FGF14: variants seen among roughly 807,000 people sequenced by gnomAD.
The protein encoded by FGF14 is fibroblast growth factor homologous factor 4.
Under a neutral mutation model 25.5 loss-of-function variants are expected in FGF14, and 5 were observed. The observed-to-expected ratio is 0.20, with a 90% CI of 0.10 to 0.41. The LOEUF is 0.41. Among genes scored for constraint, FGF14 ranks in the 10% least tolerant of loss-of-function variants. The pLI, the probability that FGF14 is intolerant of heterozygous loss-of-function variation, is 1.00. For synonymous variants in FGF14, 138 were observed against 118.3 expected (o/e 1.17, Z -1.08); for missense variants, 222 against 320.1 (o/e 0.69, Z 2.34).
chr13:102,114,863 A>G (rs1168055969), intron 1 of FGF14, among the ~76,000 whole-genome samples: 2 of 152,182 alleles, frequency 1.3e-5, no homozygotes, highest in Non-Finnish European at 2.9e-5. Flanking sequence ...CAAGAGGCAT[A>G]AAGTTTCAGT....
chr13:101,783,009 T>C (rs756848999), intron 3 of FGF14, among the ~76,000 whole-genome samples: 3 of 152,180 alleles, frequency 2.0e-5, no homozygotes, highest in Non-Finnish European at 4.4e-5. Context: ...GTATAAGCAT[T>C]CCTTTTTCTC....
intron 1 of FGF14, among the ~76,000 whole-genome samples, chr13:102,158,086 G>C (rs901217170): frequency 1.3e-5 from 2 of 152,182 alleles, no homozygotes; most frequent in Non-Finnish European, 2.9e-5. Flanking sequence ...CTGTAAACTA[G>C]TTCAACCATT....
chr13:101,920,108 C>T (rs955914374), upstream of FGF14, among the ~76,000 whole-genome samples: 10 of 152,150 alleles, frequency 6.6e-5, no homozygotes, highest in African/African-American at 2.4e-4. Flanking sequence ...TGAAAGAAAA[C>T]GCAAGAGAGC....
chr13:101,791,815 A>G (rs971680060), intron 3 of FGF14, among the ~76,000 whole-genome samples: 1 of 152,198 alleles, frequency 6.6e-6, no homozygotes, highest in Non-Finnish European at 1.5e-5. Context: ...CATTAAGGAA[A>G]TGAGATGACT....
intron 1 of FGF14, among the ~76,000 whole-genome samples, chr13:102,255,160 G>T (rs1409685959): frequency 6.6e-6 from 1 of 152,184 alleles, no homozygotes; most frequent in Non-Finnish European, 1.5e-5. Context: ...GAGTTCCAGA[G>T]ATAGTAAATT....
intron 1 of FGF14, among the ~76,000 whole-genome samples, chr13:102,137,083 T>C (rs2046444281): frequency 6.6e-6 from 1 of 152,222 alleles, no homozygotes; most frequent in South Asian, 2.1e-4. Flanking sequence ...TGGCTACTAA[T>C]GTGGTGTGGT....
At chr13:102,014,549 A>G (rs1346927873) in intron 1 of FGF14, among the ~76,000 whole-genome samples, 1 of 152,192 alleles carries the variant, frequency 6.6e-6, no homozygotes, top group East Asian at 1.9e-4. Flanking sequence ...AGAGGAACCA[A>G]TTATCGAAAA....
At chr13:101,860,165 GGTTGAAAATTTAAT>G (rs1312885458) in intron 3 of FGF14, among the ~76,000 whole-genome samples, 1 of 151,910 alleles carries the variant, frequency 6.6e-6, no homozygotes, top group East Asian at 1.9e-4. Flanking sequence ...AGCCATTATT[GGTTGAAAATTTAAT>G]GTCTTGCTTT....
In FGF14 at chr13:101,775,076, G is replaced by T. The variant is rs552107572; in HGVS notation, c.409-48266C>A. 7.9e-5 allele frequency among the ~76,000 whole-genome samples: 12 copies of T among 151,890 alleles called. No homozygotes were observed. The South Asian group carries it at 2.1e-3, about 26-fold the overall frequency. On this transcript the variant is annotated intron_variant, in intron 3 of 4. Transcript: ENST00000376143. ...AAGAAACAATTTATATGGACTATGT[G>T]TTCCAACTTCCTAAAAATCACCATA...
rs576399396 is a variant in FGF14 at position 102,331,694 on chromosome 13, A to T, written c.208+69777T>A. ...ACACAGTATAATGAACACAAGCTAC[A>T]TGAAACGCACAATGAAGGATTTTAG... On this transcript the variant is annotated intron_variant, in intron 1 of 4. Transcript: ENST00000376131. Among the ~76,000 whole-genome samples, 10 of 152,350 alleles carry T rather than the reference A, an allele frequency of 6.6e-5. No homozygotes were observed. The South Asian group carries it at 2.1e-3, about 32-fold the overall frequency.
intron 1 of FGF14, among the ~76,000 whole-genome samples, chr13:101,966,189 A>C (rs895376511): frequency 6.6e-6 from 1 of 152,232 alleles, no homozygotes; most frequent in Non-Finnish European, 1.5e-5. Context: ...GGTTGAAATG[A>C]GGTCATCAGG....
chr13:102,386,874 A>G (rs2058316859), intron 1 of FGF14, among the ~76,000 whole-genome samples: 1 of 152,214 alleles, frequency 6.6e-6, no homozygotes, highest in Non-Finnish European at 1.5e-5. Flanking sequence ...GCAGCTGTCT[A>G]TTGCATTCGC....
intron 3 of FGF14, among the ~76,000 whole-genome samples, chr13:101,812,730 T>C (rs1208175431): frequency 7.4e-6 from 1 of 134,788 alleles, no homozygotes; most frequent in African/African-American, 2.8e-5. Context: ...TGGCGCTATC[T>C]CAGCCCACTG....
At chr13:102,161,614 AAGAAGAAGAAGAAGAAGAAG>A (rs2047691194) in intron 1 of FGF14, among the ~76,000 whole-genome samples, 1 of 5,342 alleles carries the variant, frequency 1.9e-4, no homozygotes, top group Non-Finnish European at 3.5e-4. Flanking sequence ...GAAGAAGAAG[AAGAAGAAGAAGAAGAAGAAG>A]AAGAAGAAGA....
rs575478402 is a variant in FGF14 at position 102,028,321 on chromosome 13, G to A, written c.209-153025C>T. ...CACGAATGGAATTAGTATTCGCACT[G>A]GACTGGGCCTTTACAAAAAAGACCC... On this transcript the variant is annotated intron_variant, in intron 1 of 4. Transcript: ENST00000376131. 9.9e-5 allele frequency among the ~76,000 whole-genome samples: 15 copies of A among 152,114 alleles called. No homozygotes were observed. The South Asian group carries it at 2.7e-3, about 27-fold the overall frequency.
chr13:102,117,345 C>T (rs1295232667), intron 1 of FGF14, among the ~76,000 whole-genome samples: 3 of 152,164 alleles, frequency 2.0e-5, no homozygotes, highest in African/African-American at 4.8e-5. Flanking sequence ...TCCTGACTTG[C>T]TCCATGTTCT....
Position 101,946,461 on chromosome 13 carries a change from A to G in FGF14, c.209-71165T>C, listed in dbSNP as rs536693505. On this transcript the variant is annotated intron_variant, in intron 1 of 4. Transcript: ENST00000376131. ...GAAATTCCAAATCAAACTGTCTTAAACAATAAGAAAATGTATTATTTAACA... is the reference window on the plus strand; with the variant it reads ...GAAATTCCAAATCAAACTGTCTTAAGCAATAAGAAAATGTATTATTTAACA... Among the ~76,000 whole-genome samples, 26 of 152,290 alleles carry G rather than the reference A, an allele frequency of 1.7e-4. 1 individual carries two copies. The South Asian group carries it at 3.5e-3, about 21-fold the overall frequency.
intron 1 of FGF14, among the ~76,000 whole-genome samples, chr13:102,109,724 G>A (rs1286160032): frequency 6.6e-6 from 1 of 151,930 alleles, no homozygotes; most frequent in Non-Finnish European, 1.5e-5. Flanking sequence ...GGTTCAAGAG[G>A]TTCTCCTGCC....
intron 3 of FGF14, among the ~76,000 whole-genome samples, chr13:101,831,894 A>C (rs1006654689): frequency 1.3e-5 from 2 of 152,108 alleles, no homozygotes; most frequent in Non-Finnish European, 2.9e-5. Flanking sequence ...GGTAGAAATA[A>C]GCTGCCAATA....
Sources: allele counts gnomAD v4.1 joint callset (sites outside exome capture counted in the v4.1 genomes callset), GRCh38; gene constraint gnomAD v4.1.1; transcripts MANE v1.5; gene names NCBI Gene and HGNC (gene_info 2026-07-23, HGNC 2026-07-21).